KANSL3: variants seen among roughly 807,000 people sequenced by gnomAD.
KANSL3 encodes the protein KAT8 regulatory NSL complex subunit 3, also known as NSL complex protein NSL3.
KANSL3 carries 16 observed loss-of-function variants against 89.2 expected under a neutral mutation model. That is an observed-to-expected ratio of 0.18 (90% CI 0.12 to 0.27). KANSL3 has a LOEUF of 0.27. Among genes scored for constraint, KANSL3 ranks in the 10% least tolerant of loss-of-function variants. The pLI is 1.00. For synonymous variants in KANSL3, 385 were observed against 419.7 expected (o/e 0.92, Z 1.01); for missense variants, 879 against 1,110.6 (o/e 0.79, Z 2.96).
intron 14 of KANSL3, chr2:96,606,938 T>C (rs1202767024): frequency 2.5e-6 from 3 of 1,209,492 alleles, no homozygotes; most frequent in East Asian, 5.7e-5. Flanking sequence ...CAGAATGTAG[T>C]GGACGAGCAG....
intron 3 of KANSL3, among the ~76,000 whole-genome samples, chr2:96,626,806 C>T (rs138709777): frequency 6.6e-6 from 1 of 152,280 alleles, no homozygotes; most frequent in African/African-American, 2.4e-5. Flanking sequence ...CACGCAGACA[C>T]AAGAACATGA....
chr2:96,589,816 A>G (rs558221501), downstream of KANSL3, among the ~76,000 whole-genome samples: 1 of 152,190 alleles, frequency 6.6e-6, no homozygotes, highest in South Asian at 2.1e-4. Context: ...AAAGACCACA[A>G]TGAGATACCA....
rs2066416768 is a variant in KANSL3, at chr2:96,594,800, T to G, written c.*811A>C. ...TAGCACATCCTTCAAGCCACTTCCT[T>G]TGCTGTTCTATTACTCTTCTTCAGC... On this transcript the variant is annotated 3_prime_UTR_variant, in exon 21 of 21. Transcript: ENST00000431828. 6.6e-6 allele frequency: 1 copy of G among 152,190 alleles called. No homozygotes were observed. Among genetic ancestry groups the G allele is most frequent in the African/African-American group, 2.4e-5 (1 of 41,432 alleles). The allele number at this position is 152,190 out of a possible 1,614,324, so 9.4% of individuals were successfully genotyped here.
intron 2 of KANSL3, among the ~76,000 whole-genome samples, chr2:96,635,459 T>C (rs552620793): frequency 1.6e-4 from 25 of 152,160 alleles, no homozygotes; most frequent in Admixed American, 7.2e-4. Context: ...GAAAATGTCA[T>C]GAGATGTGGA....
chr2:96,627,877 A>G, intron 3 of KANSL3: 1 of 1,280,210 alleles, frequency 7.8e-7, no homozygotes, highest in Non-Finnish European at 1.0e-6. Context: ...GAAACTAATA[A>G]GTTATCATAA....
At chr2:96,633,702 C>T (rs2073840815) in intron 2 of KANSL3, among the ~76,000 whole-genome samples, 1 of 151,960 alleles carries the variant, frequency 6.6e-6, no homozygotes, top group Admixed American at 6.6e-5. Flanking sequence ...CTCGTCTCTA[C>T]TAAACACAAA....
rs1223048210 is a variant in KANSL3 at position 96,638,294 on chromosome 2, C to G, written c.-62G>C. On this transcript the variant is annotated 5_prime_UTR_variant, in exon 1 of 21. Transcript: ENST00000431828. ...AACGCTGCTCTCACCCGCGGTCTTACGGCCGCGCGCTCGGCCACGGCCGGA... is the reference window on the plus strand; with the variant it reads ...AACGCTGCTCTCACCCGCGGTCTTAGGGCCGCGCGCTCGGCCACGGCCGGA... The G allele has an allele frequency of 6.6e-6, 1 of 152,278 alleles. No homozygotes were observed. The allele number at this position is 152,278 out of a possible 1,614,324, so 9.4% of individuals were successfully genotyped here. A position where few individuals can be genotyped will look rare whatever the true frequency, so the allele number is the denominator to read the frequency against.
chr2:96,598,045 G>T, intron 20 of KANSL3: 1 of 940,396 alleles, frequency 1.1e-6, no homozygotes, highest in Non-Finnish European at 1.3e-6. Context: ...AATGGTAACT[G>T]GCTGGCCCAG....
rs780568895 is a variant in KANSL3, at chr2:96,631,435, A to G, written c.263T>C (p.Met88Thr). ...TGCCTTCTGATTGTCATAGAGTGGCATAGGCGTTGATGTGACCGTCTCCAC... is the reference window on the plus strand; with the variant it reads ...TGCCTTCTGATTGTCATAGAGTGGCGTAGGCGTTGATGTGACCGTCTCCAC... ...IDVETVTSTP[M>T]PLYDNQKARS... Residue 88 changes from methionine to threonine, a missense_variant, in exon 3 of 21, where the codon ATG (methionine) becomes ACG (threonine). Met to Thr is a moderately conservative substitution (Grantham distance 81). Transcript: ENST00000431828. The G allele has an allele frequency of 1.3e-6, 2 of 1,593,570 alleles. No individual in the cohort carries two copies. Among genetic ancestry groups the G allele is most frequent in the East Asian group, 2.3e-5 (1 of 44,196 alleles).
At chr2:96,607,683 T>C (rs911973060) in intron 14 of KANSL3, among the ~76,000 whole-genome samples, 4 of 152,098 alleles carry the variant, frequency 2.6e-5, no homozygotes, top group Middle Eastern at 3.2e-3. Flanking sequence ...TCACAAGAGG[T>C]CTGGGTTTCG....
chr2:96,581,131 G>C, the KANSL3 span, among the ~76,000 whole-genome samples: 1 of 152,182 alleles, frequency 6.6e-6, no homozygotes, highest in African/African-American at 2.4e-5. Flanking sequence ...CCCGCTTTAA[G>C]AATCACCTAA....
intron 5 of KANSL3, among the ~76,000 whole-genome samples, chr2:96,616,295 T>C (rs1018048262): frequency 6.6e-6 from 1 of 152,242 alleles, no homozygotes; most frequent in Non-Finnish European, 1.5e-5. Flanking sequence ...TTAAGCTTTA[T>C]CTAACAGTAG....
intron 3 of KANSL3, among the ~76,000 whole-genome samples, chr2:96,623,568 G>A: frequency 6.6e-6 from 1 of 152,022 alleles, no homozygotes; most frequent in East Asian, 1.9e-4. Context: ...GGAAAACAAT[G>A]GTCCAACTCC....
At position 96,602,202 on chromosome 2, in the gene KANSL3, G is replaced by A; in HGVS notation, c.2396C>T (p.Ala799Val). 6.2e-7 allele frequency: 1 copy of A among 1,607,794 alleles called. No homozygotes were observed. The highest frequency in any genetic ancestry group is 8.5e-7 in the Non-Finnish European group (1 of 1,177,314). Residue 799 changes from alanine to valine, a missense_variant, in exon 19 of 21, where the codon GCC (alanine) becomes GTC (valine). Transcript: ENST00000431828. ...LGATPGGKPT[A>V]IHQLLTNGGL... ...CCCATTGGTCAGCAGCTGGTGGATGGCTGTGGGCTTCCCACCAGGAGTGGC... is the reference window on the plus strand; with the variant it reads ...CCCATTGGTCAGCAGCTGGTGGATGACTGTGGGCTTCCCACCAGGAGTGGC...
intron 14 of KANSL3, 94 bp downstream of exon 14, chr2:96,608,414 G>T: frequency 7.7e-7 from 1 of 1,304,968 alleles, no homozygotes; most frequent in Non-Finnish European, 1.1e-6. Flanking sequence ...ACATCCCCCT[G>T]AAAAAAGCCA....
rs983678288 is a variant in KANSL3 at position 96,629,761 on chromosome 2, A to G, written c.386+1551T>C. Among the ~76,000 whole-genome samples, 5 of 152,264 alleles carry G rather than the reference A, an allele frequency of 3.3e-5. No homozygotes were observed. The South Asian group carries it at 1.0e-3, about 32-fold the overall frequency. On this transcript the variant is annotated intron_variant, in intron 3 of 20. Coordinates refer to ENST00000431828, the MANE Select transcript of KANSL3 (RefSeq NM_001115016.3). ...CTGTTCAATCTCATTCCCAACTTCC[A>G]ACCAGCTTCAGAAGTCATGTCAATC... is the stretch of plus-strand genomic sequence containing the variant.
chr2:96,628,904 C>T (rs1300026784), intron 3 of KANSL3, among the ~76,000 whole-genome samples: 2 of 152,188 alleles, frequency 1.3e-5, no homozygotes, highest in African/African-American at 2.4e-5. Flanking sequence ...TGGTCTTAAT[C>T]TCTTCTTACT....
At chr2:96,626,265 G>C (rs150260689) in intron 3 of KANSL3, among the ~76,000 whole-genome samples, 1,763 of 147,184 alleles carry the variant, frequency 0.012, 11 homozygotes, top group Admixed American at 0.015. Flanking sequence ...AAGTACATCA[G>C]ATAAACTCAA....
intron 3 of KANSL3, chr2:96,628,156 C>A: frequency 2.3e-6 from 3 of 1,288,828 alleles, no homozygotes; most frequent in South Asian, 1.2e-5. Context: ...AAGGTGCACA[C>A]TGGCCTATTC....
Sources: gnomAD v4.1 joint callset for allele counts (sites outside exome capture counted in the v4.1 genomes callset) on GRCh38, gnomAD v4.1.1 for gene constraint, MANE v1.5 for transcripts, NCBI Gene and HGNC (gene_info 2026-07-23, HGNC 2026-07-21) for gene names.